Variants in NFATC2 observed in about 807,000 individuals in gnomAD.
The protein encoded by NFATC2 is nuclear factor of activated T-cells, cytoplasmic 2.
In NFATC2, 22 loss-of-function variants were observed where a neutral mutation model predicts 87.3. That is an observed-to-expected ratio of 0.25 (90% confidence interval 0.18 to 0.36). NFATC2 has a LOEUF of 0.36. NFATC2 is among the 10% of genes least tolerant of loss of function. The pLI, the probability that NFATC2 is intolerant of heterozygous loss-of-function variation, is 1.00. For synonymous variants in NFATC2, 565 were observed against 542.2 expected (o/e 1.04, Z -0.58); for missense variants, 1,149 against 1,259.1 (o/e 0.91, Z 1.32).
upstream of NFATC2, among the ~76,000 whole-genome samples, chr20:51,543,101 C>T (rs575075510): frequency 6.6e-4 from 101 of 152,290 alleles, no homozygotes; most frequent in African/African-American, 1.8e-3. Flanking sequence ...TATTGCAGAC[C>T]CGTGTCTCCA....
At chr20:51,439,262 G>A (rs1427615422) in intron 6 of NFATC2, among the ~76,000 whole-genome samples, 1 of 152,122 alleles carries the variant, frequency 6.6e-6, no homozygotes, top group Non-Finnish European at 1.5e-5. Context: ...CGTATACATG[G>A]GCTTGTCTCA....
chr20:51,406,766 G>A (rs939592625), intron 9 of NFATC2, among the ~76,000 whole-genome samples: 1 of 152,178 alleles, frequency 6.6e-6, no homozygotes, highest in African/African-American at 2.4e-5. Flanking sequence ...CTCTAGAGAG[G>A]GTGTGACATC....
chr20:51,554,350 C>A (rs538064415), intron 1 of NFATC2, among the ~76,000 whole-genome samples: 2 of 152,176 alleles, frequency 1.3e-5, no homozygotes, highest in Non-Finnish European at 1.5e-5. Context: ...ACCACCTCAC[C>A]AGGAGCTCTG....
At chr20:51,422,177 G>A (rs947687319) in intron 9 of NFATC2, among the ~76,000 whole-genome samples, 2 of 152,122 alleles carry the variant, frequency 1.3e-5, no homozygotes, top group African/African-American at 2.4e-5. Context: ...CAAACTGCTC[G>A]CAACAGACAG....
intron 2 of NFATC2, among the ~76,000 whole-genome samples, chr20:51,522,454 A>G (rs2076462665): frequency 6.6e-6 from 1 of 152,122 alleles, no homozygotes; most frequent in Non-Finnish European, 1.5e-5. Flanking sequence ...TCAGGTAGTG[A>G]GTGGCGGAGG....
chr20:51,534,741 C>T (rs1032914843), intron 1 of NFATC2, among the ~76,000 whole-genome samples: 1 of 152,112 alleles, frequency 6.6e-6, no homozygotes, highest in Admixed American at 6.5e-5. Context: ...CATTTCAAGT[C>T]CCCCAGAGGG....
rs6021270 is a variant in NFATC2, at chr20:51,524,725, T to C, written c.131-615A>G. Among the ~76,000 whole-genome samples, 8,670 of 152,062 alleles carry C rather than the reference T, an allele frequency of 0.057. 270 individuals carry two copies. Among genetic ancestry groups the C allele is most frequent in the Middle Eastern group, 0.096 (28 of 292 alleles). ...CAGATTTCACACCAAGTACAAGAAG[T>C]GGCTTCATTCAGATCCAGGGCTCCT... is the stretch of plus-strand genomic sequence containing the variant. On this transcript the variant is annotated intron_variant, in intron 1 of 10. Transcript: ENST00000371564. The surrounding 1 kb of genome is among the most constrained non-coding windows in gnomAD (Gnocchi z 4.0).
intron 6 of NFATC2, among the ~76,000 whole-genome samples, chr20:51,443,253 T>C (rs1202394840): frequency 6.6e-6 from 1 of 152,226 alleles, no homozygotes; most frequent in African/African-American, 2.4e-5. Context: ...ATTGGTTTGC[T>C]ATCTCCACCC....
At chr20:51,401,392 G>GGGGA (rs2146241064) in intron 9 of NFATC2, among the ~76,000 whole-genome samples, 1 of 151,832 alleles carries the variant, frequency 6.6e-6, no homozygotes, top group Non-Finnish European at 1.5e-5. Context: ...TGTTTATTAA[G>GGGGA]CCCACAATAT....
chr20:51,562,445 A>G lies in NFATC2; in HGVS notation c.70+115T>C, dbSNP rs964666464. 16 of 933,388 alleles carry G rather than the reference A, an allele frequency of 1.7e-5. No homozygotes were observed. In the African/African-American group the frequency reaches 2.5e-4, roughly 15 times the overall value. 57.8% of individuals were successfully genotyped at this position (933,388 alleles called of 1,614,324 possible). A position where few individuals can be genotyped will look rare whatever the true frequency, so the allele number is the denominator to read the frequency against. ...TGCGCCGAGGGCGAGCGGGGTCCCC[A>G]GGCCTCCCGCACCGACCTCTGCCGG... is the stretch of plus-strand genomic sequence containing the variant. On this transcript the variant is annotated intron_variant, in intron 1 of 10. Coordinates refer to the NFATC2 transcript ENST00000414705. This position sits in a 1 kb window ranked among gnomAD's most constrained non-coding sequence, Gnocchi z 5.8.
chr20:51,410,550 G>T (rs928649227), intron 9 of NFATC2, among the ~76,000 whole-genome samples: 1 of 145,382 alleles, frequency 6.9e-6, no homozygotes, highest in Admixed American at 6.8e-5. Context: ...AAGGAAGAGA[G>T]GGAGAGAAAG....
chr20:51,388,867 A>C lies in NFATC2; in HGVS notation c.*2629T>G, dbSNP rs930862942. The stretch of plus-strand genomic sequence containing the variant: ...CAACACACCCATCTTTACCATTTAG[A>C]CACCCCTACTTTCTCATTCTCTTAG... On this transcript the variant is annotated 3_prime_UTR_variant, in exon 11 of 11. Transcript: ENST00000371564. The C allele has an allele frequency of 6.6e-6, 1 of 152,154 alleles. No homozygotes were observed. Among genetic ancestry groups the C allele is most frequent in the African/African-American group, 2.4e-5 (1 of 41,430 alleles). 9.4% of individuals were successfully genotyped at this position (152,154 alleles called of 1,614,324 possible). A position where few individuals can be genotyped will look rare whatever the true frequency, so the allele number is the denominator to read the frequency against.
At chr20:51,544,202 A>G (rs111955401), upstream of NFATC2, among the ~76,000 whole-genome samples, 2,831 of 151,682 alleles carry the variant, frequency 0.019, 54 homozygotes, top group Admixed American at 0.045. Flanking sequence ...TTAGCCAGGA[A>G]GGTCTTGATC....
At chr20:51,553,292 C>T (rs1047487007) in intron 1 of NFATC2, among the ~76,000 whole-genome samples, 1 of 152,292 alleles carries the variant, frequency 6.6e-6, no homozygotes, top group African/African-American at 2.4e-5. Context: ...ACCTGGTCCC[C>T]GCACAACTAC....
intron 5 of NFATC2, among the ~76,000 whole-genome samples, chr20:51,466,692 T>A (rs1358380931): frequency 1.3e-5 from 2 of 152,162 alleles, no homozygotes; most frequent in Non-Finnish European, 2.9e-5. Flanking sequence ...AGAGATTTCC[T>A]GGAGGAATGC....
chr20:51,434,393 C>T (rs997329363), intron 8 of NFATC2, among the ~76,000 whole-genome samples: 2 of 152,094 alleles, frequency 1.3e-5, no homozygotes, highest in African/African-American at 2.4e-5. Flanking sequence ...AGCTAGCAGG[C>T]GTTTCTCAGC....
intron 9 of NFATC2, among the ~76,000 whole-genome samples, chr20:51,419,432 C>T (rs1980550730): frequency 6.6e-6 from 1 of 152,164 alleles, no homozygotes; most frequent in Non-Finnish European, 1.5e-5. Flanking sequence ...CCTCCTTCCT[C>T]TTTTTTCCCA....
chr20:51,396,927 C>CT (rs367640265), intron 10 of NFATC2, among the ~76,000 whole-genome samples: 2,664 of 151,292 alleles, frequency 0.018, 87 homozygotes, highest in African/African-American at 0.06. Flanking sequence ...TCCCCTGTGC[C>CT]TTTTTTTTTG....
At chr20:51,511,004 G>A (rs1446846080) in intron 3 of NFATC2, among the ~76,000 whole-genome samples, 1 of 152,144 alleles carries the variant, frequency 6.6e-6, no homozygotes, top group East Asian at 1.9e-4. Flanking sequence ...TTTGATTTAT[G>A]GCCAAAACTG....
Sources: gnomAD v4.1 joint callset for allele counts (sites outside exome capture counted in the v4.1 genomes callset) on GRCh38, gnomAD v4.1.1 for gene constraint, Gnocchi (gnomAD v3.1) non-coding constraint, MANE v1.5 for transcripts, NCBI Gene and HGNC (gene_info 2026-07-23, HGNC 2026-07-21) for gene names.